Variants in ZNF337 observed in about 807,000 individuals in gnomAD.
ZNF337 encodes the protein zinc finger protein 337.
In ZNF337, 8 loss-of-function variants were observed where a neutral mutation model predicts 12.1. The observed-to-expected ratio is 0.66, with a 90% CI of 0.39 to 1.19. ZNF337 has a LOEUF of 1.19. Among genes scored for constraint, ZNF337 ranks in the 50% most tolerant of loss-of-function variants. ZNF337 has a pLI of 0.01. For missense variants in ZNF337, 882 were observed against 896.6 expected, an observed-to-expected ratio of 0.98 and a Z score of 0.21; for synonymous variants, 336 against 320.0, an observed-to-expected ratio of 1.05 and a Z score of -0.53.
rs113918091 is a variant in ZNF337, at chr20:25,695,172, G to A, written c.-50+1587C>T. On this transcript the variant is annotated intron_variant, in intron 1 of 4. Transcript: ENST00000252979. ...TGTAGTCCCAGCTACTCAGGAGGCT[G>A]AGGCAGGAGAACTGCTCAAACCTGG... is the stretch of plus-strand genomic sequence containing the variant. Among the ~76,000 whole-genome samples, 117 of 152,324 alleles carry A rather than the reference G, an allele frequency of 7.7e-4. 1 individual carries two copies. Among genetic ancestry groups the A allele is most frequent in the African/African-American group, 2.8e-3 (116 of 41,572 alleles).
intron 1 of ZNF337, 92 bp from the exon 2 acceptor site, chr20:25,686,558 G>T: frequency 1.0e-6 from 1 of 964,694 alleles, no homozygotes; most frequent in Non-Finnish European, 1.5e-6. Flanking sequence ...CTGGGGATCT[G>T]GGGAGGGCGC....
chr20:25,675,840 G>A lies in ZNF337; in HGVS notation c.1448C>T (p.Ser483Leu). 1 of 1,614,188 alleles carries A rather than the reference G, an allele frequency of 6.2e-7. No individual in the cohort carries two copies. The highest frequency in any genetic ancestry group is 8.5e-7 in the Non-Finnish European group (1 of 1,180,034). Residue 483 changes from serine (S) to leucine (L), a missense_variant, in exon 5 of 5, where the codon TCA becomes TTA. Coordinates refer to ENST00000252979, the MANE Select transcript of ZNF337 (RefSeq NM_015655.4). ...CCGACATCCATAAGGCTTCTCCTCT[G>A]AGTGTGTCCTCTGGTGTAAAGTGAA... ...STFTLHQRTH[S>L]EEKPYGCREC... is the part of the protein sequence containing the mutation.
At chr20:25,692,013 A>C (rs1199228893) in intron 1 of ZNF337, among the ~76,000 whole-genome samples, 2 of 152,114 alleles carry the variant, frequency 1.3e-5, no homozygotes. Flanking sequence ...GGCAGGCAGA[A>C]GGAAGGAAGG....
intron 1 of ZNF337, among the ~76,000 whole-genome samples, 199 bp downstream of exon 1, chr20:25,696,560 C>A (rs867092936): frequency 6.6e-6 from 1 of 152,228 alleles, no homozygotes; most frequent in African/African-American, 2.4e-5. Flanking sequence ...AGACCCGGGG[C>A]GCTCGGCAAG....
chr20:25,682,314 G>C (rs2065777634), intron 4 of ZNF337, among the ~76,000 whole-genome samples: 1 of 151,972 alleles, frequency 6.6e-6, no homozygotes, highest in African/African-American at 2.4e-5. Context: ...AAGTACAGAG[G>C]ACACAAGATT....
chr20:25,676,460 C>CT lies in ZNF337; in HGVS notation c.827dup (p.Ser277ValfsTer7), dbSNP rs776768758. 1 of 1,613,838 alleles carries CT rather than the reference C, an allele frequency of 6.2e-7. No homozygotes were observed. The highest frequency in any genetic ancestry group is 8.5e-7 in the Non-Finnish European group (1 of 1,179,988). Reference sequence around the variant, plus strand: ...TTCTCTCATGCACAGTGAGGTATGACTTACTGGTATAGCCTCGTCCACACA... The same window carrying CT: ...TTCTCTCATGCACAGTGAGGTATGACTTTACTGGTATAGCCTCGTCCACACA... On this transcript the variant is annotated frameshift_variant, in exon 5 of 5. Coordinates refer to ENST00000252979, the MANE Select transcript of ZNF337 (RefSeq NM_015655.4). LOFTEE classifies it low-confidence loss of function (END_TRUNC).
chr20:25,683,666 C>T lies in ZNF337; in HGVS notation c.250+1901G>A, dbSNP rs567874928. ...TCAAAACCACAATGAGATACCATCT[C>T]ATACCAGTTAGAATGGCAATCATTA... is the stretch of plus-strand genomic sequence containing the variant. On this transcript the variant is annotated intron_variant, in intron 4 of 4. Transcript: ENST00000252979. 7.7e-4 allele frequency among the ~76,000 whole-genome samples: 118 copies of T among 152,280 alleles called. 1 individual carries two copies. Among genetic ancestry groups the T allele is most frequent in the African/African-American group, 2.8e-3 (117 of 41,560 alleles).
At chr20:25,682,168 CA>C (rs909369707) in intron 4 of ZNF337, among the ~76,000 whole-genome samples, 8 of 150,928 alleles carry the variant, frequency 5.3e-5, no homozygotes, top group African/African-American at 1.9e-4. Context: ...TTACAGTCAC[CA>C]AAAAAAATCT....
chr20:25,696,555 C>T (rs2065932230), intron 1 of ZNF337, among the ~76,000 whole-genome samples: 1 of 152,238 alleles, frequency 6.6e-6, no homozygotes, highest in Admixed American at 6.5e-5. Context: ...GGCCCAGACC[C>T]GGGGCGCTCG....
intron 4 of ZNF337, among the ~76,000 whole-genome samples, chr20:25,679,001 C>A (rs1324568476): frequency 6.6e-6 from 1 of 151,790 alleles, no homozygotes; most frequent in Non-Finnish European, 1.5e-5. Context: ...AGATAATCTA[C>A]AAATAAATCC....
At chr20:25,687,610 C>A (rs1470742141) in intron 1 of ZNF337, among the ~76,000 whole-genome samples, 6 of 152,094 alleles carry the variant, frequency 3.9e-5, no homozygotes, top group African/African-American at 1.4e-4. Context: ...AACTAGGGAC[C>A]CCAGTCCACT....
rs2122321186 is a variant in ZNF337 at position 25,674,810 on chromosome 20, A to C, written c.*222T>G. On this transcript the variant is annotated 3_prime_UTR_variant, in exon 5 of 5. Transcript: ENST00000252979. ...ACCACATTTCCCCAATAGCCCAGGTAATGCCCTCCCCTCAACTGGCATCTC... is the reference window on the plus strand; with the variant it reads ...ACCACATTTCCCCAATAGCCCAGGTCATGCCCTCCCCTCAACTGGCATCTC... 3 of 577,644 alleles carry C rather than the reference A, an allele frequency of 5.2e-6. No homozygotes were observed. The East Asian group carries it at 8.6e-5, about 16-fold the overall frequency. The allele number at this position is 577,644 out of a possible 1,614,324, so 35.8% of individuals were successfully genotyped here. A position where few individuals can be genotyped will look rare whatever the true frequency, so the allele number is the denominator to read the frequency against.
chr20:25,676,573 T>C lies in ZNF337; in HGVS notation c.715A>G (p.Ser239Gly), dbSNP rs1569006822. 6.2e-7 allele frequency: 1 copy of C among 1,613,940 alleles called. No individual in the cohort carries two copies. Among genetic ancestry groups the C allele is most frequent in the Admixed American group, 1.7e-5 (1 of 59,998 alleles). Reference protein sequence around the residue: ...THTGEKSYVCSVCGRGFSLKA... With the variant: ...THTGEKSYVCGVCGRGFSLKA... ...AGGCTGAAGCCTCGCCCACACACAC[T>C]GCACACATAGGACTTCTCTCCTGTG... is the stretch of plus-strand genomic sequence containing the variant. The change falls in exon 5 of 5, where the codon AGT (serine) becomes GGT (glycine). Residue 239 changes from serine to glycine, a missense_variant. By Grantham distance (56) the Ser-to-Gly change is moderately conservative (BLOSUM62 0). Coordinates refer to ENST00000252979, the MANE Select transcript of ZNF337 (RefSeq NM_015655.4).
rs150335876 is a variant in ZNF337, at chr20:25,695,112, A to C, written c.-50+1647T>G. Among the ~76,000 whole-genome samples, 353 of 152,268 alleles carry C rather than the reference A, an allele frequency of 2.3e-3. 1 individual carries two copies. The highest frequency in any genetic ancestry group is 6.8e-3 in the Middle Eastern group (2 of 294). On this transcript the variant is annotated intron_variant, in intron 1 of 4. Coordinates refer to ENST00000252979, the MANE Select transcript of ZNF337 (RefSeq NM_015655.4). ...ATGGTGAAACCCCATCTCTACTAAA[A>C]ATACAAAAATTAGCCAGGCGTGGTG...
At chr20:25,692,801 T>C (rs1042959840) in intron 1 of ZNF337, among the ~76,000 whole-genome samples, 3 of 152,148 alleles carry the variant, frequency 2.0e-5, no homozygotes, top group Non-Finnish European at 4.4e-5. Context: ...TGAGGCAAAC[T>C]TGAAACATTT....
intron 4 of ZNF337, 190 bp from the exon 5 acceptor site, chr20:25,677,227 A>G (rs2065710676): frequency 1.7e-6 from 1 of 574,816 alleles, no homozygotes; most frequent in East Asian, 2.9e-5. Flanking sequence ...TCATTCTAAA[A>G]GGCCAGCATT....
At chr20:25,685,895 G>A in intron 3 of ZNF337, 101 bp downstream of exon 3, 1 of 1,504,512 alleles carries the variant, frequency 6.6e-7, no homozygotes, top group Non-Finnish European at 8.9e-7. Context: ...ACCTTCCTCA[G>A]GGGAATAGAG....
At chr20:25,688,612 T>A (rs1337186189) in intron 1 of ZNF337, among the ~76,000 whole-genome samples, 1 of 152,236 alleles carries the variant, frequency 6.6e-6, no homozygotes, top group African/African-American at 2.4e-5. Context: ...TTACTGAGAA[T>A]TTTTACCCTG....
Position 25,676,801 on chromosome 20 carries a change from T to C in ZNF337, c.487A>G (p.Thr163Ala), listed in dbSNP as rs1158876858. The change falls in exon 5 of 5, where the codon ACA becomes GCA. Residue 163 changes from threonine (T) to alanine (A), a missense_variant. Physicochemically the swap from Thr to Ala is moderately conservative, Grantham distance 58. Coordinates refer to ENST00000252979, the MANE Select transcript of ZNF337 (RefSeq NM_015655.4). ...ESSQGQRENP[T>A]EIDKVLKGIE... is the part of the protein sequence containing the mutation. ...CCTTTCAATACTTTGTCTATTTCTG[T>C]AGGATTTTCCCTCTGGCCTTGACTA... is the stretch of plus-strand genomic sequence containing the variant. The C allele has an allele frequency of 1.2e-6, 2 of 1,614,114 alleles. No homozygotes were observed. Among genetic ancestry groups the C allele is most frequent in the Non-Finnish European group, 1.7e-6 (2 of 1,180,038 alleles).
Sources: allele counts gnomAD v4.1 joint callset (sites outside exome capture counted in the v4.1 genomes callset), GRCh38; gene constraint gnomAD v4.1.1; transcripts MANE v1.5; gene names NCBI Gene and HGNC (gene_info 2026-07-23, HGNC 2026-07-21).